The following WASHC2C variants were observed in gnomAD, a reference collection of about 807,000 sequenced individuals.
WASHC2C encodes the protein Vaccinia Penetration Factor.
WASHC2C carries 73 observed loss-of-function variants against 142.2 expected under a neutral mutation model. The ratio of observed to expected loss-of-function variants is 0.51; its 90% CI spans 0.43 to 0.62. The LOEUF (loss-of-function observed/expected upper bound fraction) is 0.62. WASHC2C is among the 20% of genes least tolerant of loss of function. The probability of loss-of-function intolerance (pLI) is 0.00; values close to 1 mark genes in which losing one functional copy is unlikely to be tolerated. For synonymous variants in WASHC2C, 337 were observed against 565.5 expected (o/e 0.60, Z 5.73); for missense variants, 969 against 1,531.7 (o/e 0.63, Z 6.13).
chr10:45,743,172 C>T (rs1365864221), intron 5 of WASHC2C, among the ~76,000 whole-genome samples: 1 of 151,724 alleles, frequency 6.6e-6, no homozygotes, highest in Non-Finnish European at 1.5e-5. Flanking sequence ...CCATGGTGCC[C>T]GGCCTTACCT....
intron 25 of WASHC2C, 134 bp downstream of exon 25, chr10:45,785,035 T>C (rs2057926557): frequency 1.9e-6 from 3 of 1,594,414 alleles, no homozygotes; most frequent in Non-Finnish European, 8.6e-7. Flanking sequence ...GCAAATAACA[T>C]GCCGAGGGGA....
intron 3 of WASHC2C, among the ~76,000 whole-genome samples, chr10:45,729,632 A>G (rs545351570): frequency 2.6e-4 from 39 of 151,666 alleles, no homozygotes; most frequent in Non-Finnish European, 4.7e-4. Flanking sequence ...ATTCCAGCAT[A>G]CAAAGGAAGT....
At position 45,785,025 on chromosome 10, in the gene WASHC2C, G is replaced by A. The variant is rs1282767140; in HGVS notation, c.2688+124G>A. ...CGTGCTGCTTCCTGCTAAATGAATG[G>A]CAAATAACATGCCGAGGGGAGCGTG... On this transcript the variant is annotated intron_variant, in intron 25 of 30. Coordinates refer to ENST00000623400, the MANE Select transcript of WASHC2C (RefSeq NM_001330074.2). The A allele has an allele frequency of 5.0e-6, 8 of 1,601,900 alleles. No individual in the cohort carries two copies. In the Admixed American group the frequency reaches 5.1e-5, roughly 10 times the overall value.
chr10:45,754,690 T>G, intron 14 of WASHC2C, 145 bp downstream of exon 14: 2 of 1,028,526 alleles, frequency 1.9e-6, no homozygotes, highest in Non-Finnish European at 1.4e-6. Flanking sequence ...AAAGAGCTCA[T>G]TTACTGATAT....
In WASHC2C at chr10:45,790,462, A is replaced by C; in HGVS notation, c.3815A>C (p.Asp1272Ala). ...LFDDNIDIFA[D>A]LTVKPKEKSK... is the part of the protein sequence containing the mutation. ...GATGATAACATTGATATCTTTGCTG[A>C]CTTAACTGTAAAACCAAAAGAAAAG... The change falls in exon 30 of 31, where the codon GAC becomes GCC. Residue 1272 changes from aspartate (D) to alanine (A), a missense_variant. Physicochemically the swap from Asp to Ala is moderately radical, Grantham distance 126 (BLOSUM62 -2). Coordinates refer to ENST00000623400, the MANE Select transcript of WASHC2C (RefSeq NM_001330074.2). 6.2e-7 allele frequency: 1 copy of C among 1,611,108 alleles called. No individual in the cohort carries two copies. The highest frequency in any genetic ancestry group is 1.1e-5 in the South Asian group (1 of 90,922).
chr10:45,784,269 TATATATATATATATATATATACAC>T (rs1272664559), intron 23 of WASHC2C, among the ~76,000 whole-genome samples: 867 of 13,420 alleles, frequency 0.065, 22 homozygotes, highest in Non-Finnish European at 0.1. Flanking sequence ...TATATATATA[TATATATATATATATATATATACAC>T]ATATATATAT....
At chr10:45,728,288 C>G (rs2050135314) in intron 2 of WASHC2C, among the ~76,000 whole-genome samples, 1 of 152,158 alleles carries the variant, frequency 6.6e-6, no homozygotes, top group Non-Finnish European at 1.5e-5. Context: ...CCTCAGCCTC[C>G]CAAAGTGTTG....
At chr10:45,733,951 C>T (rs1192373712) in intron 3 of WASHC2C, among the ~76,000 whole-genome samples, 50 of 152,186 alleles carry the variant, frequency 3.3e-4, no homozygotes, top group African/African-American at 1.2e-3. Context: ...TACAGTAGGC[C>T]GGGTGCGGTG....
In WASHC2C at chr10:45,790,468, C is replaced by G; in HGVS notation, c.3821C>G (p.Thr1274Ser). Residue 1274 changes from threonine to serine, a missense_variant, in exon 30 of 31, where the codon ACT becomes AGT. Physicochemically the swap from Thr to Ser is moderately conservative, Grantham distance 58 (BLOSUM62 1). Coordinates refer to ENST00000623400, the MANE Select transcript of WASHC2C (RefSeq NM_001330074.2). ...AACATTGATATCTTTGCTGACTTAA[C>G]TGTAAAACCAAAAGAAAAGTCCAAA... ...DDNIDIFADL[T>S]VKPKEKSKKK... 1 of 1,611,044 alleles carries G rather than the reference C, an allele frequency of 6.2e-7. No homozygotes were observed. The highest frequency in any genetic ancestry group is 1.7e-5 in the Admixed American group (1 of 59,886).
intron 8 of WASHC2C, among the ~76,000 whole-genome samples, chr10:45,747,737 G>A (rs2053022156): frequency 6.7e-6 from 1 of 150,104 alleles, no homozygotes; most frequent in South Asian, 2.1e-4. Flanking sequence ...GACTATGGGT[G>A]TGTGGCACCA....
At chr10:45,770,545 T>C (rs1334966544) in intron 20 of WASHC2C, among the ~76,000 whole-genome samples, 23 of 151,918 alleles carry the variant, frequency 1.5e-4, no homozygotes, top group Admixed American at 1.1e-3. Flanking sequence ...CTGAATGTTA[T>C]TAGCAGAAAG....
chr10:45,755,199 A>G (rs1450159117), intron 15 of WASHC2C, 84 bp downstream of exon 15: 14 of 1,539,130 alleles, frequency 9.1e-6, no homozygotes, highest in Non-Finnish European at 1.1e-5. Flanking sequence ...CTAGTTCTGT[A>G]TCTCTTACAG....
chr10:45,762,664 G>C (rs1472535515), intron 17 of WASHC2C, among the ~76,000 whole-genome samples: 2 of 132,410 alleles, frequency 1.5e-5, no homozygotes, highest in Admixed American at 1.6e-4. Flanking sequence ...CCAGCACTTG[G>C]GGAAGCCGAG....
chr10:45,769,149 G>T (rs530053095), intron 19 of WASHC2C, among the ~76,000 whole-genome samples: 2 of 151,620 alleles, frequency 1.3e-5, no homozygotes, highest in East Asian at 1.9e-4. Context: ...ACAGAGTCTC[G>T]CTCTGTCCCC....
In WASHC2C at chr10:45,765,827, G is replaced by A; in HGVS notation, c.1869+17G>A. 6.2e-7 allele frequency: 1 copy of A among 1,611,644 alleles called. No individual in the cohort carries two copies. Among genetic ancestry groups the A allele is most frequent in the Non-Finnish European group, 8.5e-7 (1 of 1,179,766 alleles). On this transcript the variant is annotated intron_variant, in intron 19 of 30. Coordinates refer to ENST00000623400, the MANE Select transcript of WASHC2C (RefSeq NM_001330074.2). ...GATGAGGAGGTGAGCTGAGGTTTCTGCTAAAAAAGAGGGGATTATTTCATG... is the reference window on the plus strand; with the variant it reads ...GATGAGGAGGTGAGCTGAGGTTTCTACTAAAAAAGAGGGGATTATTTCATG...
chr10:45,730,117 G>T (rs1239556578), intron 3 of WASHC2C, among the ~76,000 whole-genome samples: 3 of 136,184 alleles, frequency 2.2e-5, no homozygotes, highest in African/African-American at 8.3e-5. Context: ...GGCCAAGACG[G>T]GTGGATCACC....
chr10:45,737,875 C>A, intron 3 of WASHC2C, 108 bp from the exon 4 acceptor site: 1 of 1,602,172 alleles, frequency 6.2e-7, no homozygotes, highest in African/African-American at 1.3e-5. Flanking sequence ...TGCTGAATAA[C>A]CATTTCCTTC....
At chr10:45,778,548 TG>T (rs2057258002) in intron 22 of WASHC2C, among the ~76,000 whole-genome samples, 1 of 113,398 alleles carries the variant, frequency 8.8e-6, no homozygotes, top group Non-Finnish European at 1.8e-5. Flanking sequence ...ATTTCCCCCT[TG>T]GGGCTTATGT....
chr10:45,761,735 TATC>T (rs1224299522), intron 17 of WASHC2C, among the ~76,000 whole-genome samples: 1 of 152,206 alleles, frequency 6.6e-6, no homozygotes, highest in Non-Finnish European at 1.5e-5. Context: ...CCAAGAAAGG[TATC>T]AGTTAAGGGT....
Sources: gnomAD v4.1 joint callset for allele counts (sites outside exome capture counted in the v4.1 genomes callset) on GRCh38, gnomAD v4.1.1 for gene constraint, MANE v1.5 for transcripts, NCBI Gene and HGNC (gene_info 2026-07-23, HGNC 2026-07-21) for gene names.